Variants in ANKS1B observed in about 807,000 individuals in gnomAD.
The protein encoded by ANKS1B is ankyrin repeat and sterile alpha motif domain-containing protein 1B.
A neutral mutation model predicts 148.3 loss-of-function variants in ANKS1B; 36 were observed. That is an observed-to-expected ratio of 0.24 (90% CI 0.19 to 0.32). ANKS1B has a LOEUF of 0.32. Among genes scored for constraint, ANKS1B ranks in the 10% least tolerant of loss-of-function variants. The pLI, the probability that ANKS1B is intolerant of heterozygous loss-of-function variation, is 1.00. For synonymous variants in ANKS1B, 542 were observed against 560.8 expected (o/e 0.97, Z 0.47); for missense variants, 1,157 against 1,542.6 (o/e 0.75, Z 4.19).
chr12:99,185,312 T>G (rs1161272954), intron 14 of ANKS1B, among the ~76,000 whole-genome samples: 1 of 152,186 alleles, frequency 6.6e-6, no homozygotes, highest in Non-Finnish European at 1.5e-5. Flanking sequence ...AAACTGAAAT[T>G]TAGACATTTA....
chr12:99,043,486 C>T (rs1040727899), intron 17 of ANKS1B, among the ~76,000 whole-genome samples: 4 of 152,180 alleles, frequency 2.6e-5, no homozygotes, highest in Non-Finnish European at 4.4e-5. Context: ...CAGTAACTTG[C>T]CCTGGACTTC....
At chr12:99,567,473 T>A (rs1328863545) in intron 9 of ANKS1B, among the ~76,000 whole-genome samples, 2 of 151,942 alleles carry the variant, frequency 1.3e-5, no homozygotes, top group East Asian at 3.9e-4. Flanking sequence ...TACAAACACA[T>A]ACCTAATTAT....
chr12:99,696,361 A>ACAGTGTG (rs375176699), intron 8 of ANKS1B, among the ~76,000 whole-genome samples: 60 of 152,312 alleles, frequency 3.9e-4, no homozygotes, highest in Non-Finnish European at 7.3e-4. Context: ...AATAATCAAG[A>ACAGTGTG]CAGTGTGGTA....
In ANKS1B at chr12:99,796,509, G is replaced by A. The variant is rs558458009; in HGVS notation, c.669+9895C>T. Among the ~76,000 whole-genome samples the A allele has an allele frequency of 2.6e-5, 4 of 151,852 alleles. No individual in the cohort carries two copies. In the East Asian group the frequency reaches 5.8e-4, roughly 22 times the overall value. On this transcript the variant is annotated intron_variant, in intron 4 of 26. Coordinates refer to ENST00000683438, the MANE Select transcript of ANKS1B (RefSeq NM_001352186.2). Reference sequence around the variant, plus strand: ...GGAAAAAGCAGATGGAGCAAACCTGGGTTCCAGTGGCAGCTTGGCTTTTAG... The same window carrying A: ...GGAAAAAGCAGATGGAGCAAACCTGAGTTCCAGTGGCAGCTTGGCTTTTAG...
chr12:99,600,024 G>A (rs2097788410), intron 9 of ANKS1B, among the ~76,000 whole-genome samples: 1 of 151,824 alleles, frequency 6.6e-6, no homozygotes, highest in Non-Finnish European at 1.5e-5. Context: ...TTTTTATGCT[G>A]CCATGAATGT....
At chr12:99,435,179 T>C (rs1468309559) in intron 11 of ANKS1B, among the ~76,000 whole-genome samples, 1 of 152,078 alleles carries the variant, frequency 6.6e-6, no homozygotes, top group East Asian at 1.9e-4. Context: ...AGTGGTTGTT[T>C]TCTGGATTCC....
chr12:99,361,584 G>C (rs1169780061), intron 12 of ANKS1B, among the ~76,000 whole-genome samples: 1 of 152,072 alleles, frequency 6.6e-6, no homozygotes, highest in African/African-American at 2.4e-5. Flanking sequence ...CAGATGAGAA[G>C]TTTGGAGTCA....
intron 16 of ANKS1B, chr12:99,083,995 T>G (rs766247147): frequency 4.6e-5 from 7 of 152,198 alleles, no homozygotes; most frequent in Non-Finnish European, 8.8e-5. Context: ...TAGGCTACTT[T>G]GACACCTTAT....
chr12:99,240,918 A>G (rs1203673471), intron 14 of ANKS1B, among the ~76,000 whole-genome samples: 1 of 152,230 alleles, frequency 6.6e-6, no homozygotes, highest in African/African-American at 2.4e-5. Context: ...GGAAACTTAT[A>G]GCACTAAATG....
intron 19 of ANKS1B, among the ~76,000 whole-genome samples, chr12:98,816,327 T>C (rs2099139697): frequency 6.6e-6 from 1 of 152,212 alleles, no homozygotes; most frequent in Admixed American, 6.5e-5. Flanking sequence ...AGACAGGGTC[T>C]CACTGTCACC....
chr12:99,320,096 C>T (rs887787438), intron 12 of ANKS1B, among the ~76,000 whole-genome samples: 1 of 152,186 alleles, frequency 6.6e-6, no homozygotes, highest in Admixed American at 6.5e-5. Context: ...TGTGGGTAAC[C>T]TGCCCTTTCT....
chr12:98,990,665 G>T (rs577772085), intron 17 of ANKS1B, among the ~76,000 whole-genome samples: 1 of 152,162 alleles, frequency 6.6e-6, no homozygotes, highest in South Asian at 2.1e-4. Context: ...CTGGGCTCTG[G>T]AGGAAAGAGG....
intron 12 of ANKS1B, among the ~76,000 whole-genome samples, chr12:99,354,598 C>T (rs1013437111): frequency 6.6e-6 from 1 of 151,786 alleles, no homozygotes; most frequent in Admixed American, 6.6e-5. Context: ...CTCATTGAAC[C>T]CACTGTTGTC....
At chr12:99,391,281 T>C (rs541023182) in intron 12 of ANKS1B, among the ~76,000 whole-genome samples, 13 of 152,186 alleles carry the variant, frequency 8.5e-5, no homozygotes, top group Non-Finnish European at 1.9e-4. Flanking sequence ...TATCAATGAC[T>C]TCTCATTGCT....
chr12:99,363,727 A>G (rs905816575), intron 12 of ANKS1B, among the ~76,000 whole-genome samples: 2 of 152,200 alleles, frequency 1.3e-5, no homozygotes, highest in Non-Finnish European at 2.9e-5. Flanking sequence ...TTCCAATAGG[A>G]TAATACAAAC....
intron 12 of ANKS1B, among the ~76,000 whole-genome samples, chr12:99,288,321 C>A (rs1602447209): frequency 6.6e-6 from 1 of 152,122 alleles, no homozygotes; most frequent in East Asian, 1.9e-4. Context: ...GTGAAAATAT[C>A]CTTCAAACAT....
intron 17 of ANKS1B, among the ~76,000 whole-genome samples, chr12:98,975,683 G>T (rs1476740701): frequency 6.6e-6 from 1 of 152,080 alleles, no homozygotes; most frequent in Non-Finnish European, 1.5e-5. Flanking sequence ...ATGGTCACAG[G>T]TGCCTCTCTG....
At position 99,124,629 on chromosome 12, in the gene ANKS1B, C is replaced by T. The variant is rs185123254; in HGVS notation, c.2526+29660G>A. Among the ~76,000 whole-genome samples the T allele has an allele frequency of 2.3e-3, 343 of 152,082 alleles. 1 individual carries two copies. The highest frequency in any genetic ancestry group is 6.1e-3 in the Admixed American group (93 of 15,278). ...CAGTTTATAGATGTAATGTAAGCCA[C>T]GGGTCTGAATAAGGACACCTAGGAA... On this transcript the variant is annotated intron_variant, in intron 15 of 26. Coordinates refer to ENST00000683438, the MANE Select transcript of ANKS1B (RefSeq NM_001352186.2).
chr12:98,795,219 A>G (rs914323038), intron 22 of ANKS1B, among the ~76,000 whole-genome samples: 1 of 152,252 alleles, frequency 6.6e-6, no homozygotes, highest in African/African-American at 2.4e-5. Flanking sequence ...TTAATGTTAT[A>G]GAAGGGAGGA....
Sources: gnomAD v4.1 joint callset for allele counts (sites outside exome capture counted in the v4.1 genomes callset) on GRCh38, gnomAD v4.1.1 for gene constraint, MANE v1.5 for transcripts, NCBI Gene and HGNC (gene_info 2026-07-23, HGNC 2026-07-21) for gene names.